LSAMP: variants seen among roughly 807,000 people sequenced by gnomAD.
The protein encoded by LSAMP is limbic system-associated membrane protein.
A neutral mutation model predicts 38.6 loss-of-function variants in LSAMP; 7 were observed. The observed-to-expected ratio is 0.18, with a 90% CI of 0.10 to 0.34. The LOEUF is 0.34. Ranked by LOEUF, LSAMP falls within the 10% of genes least tolerant of loss-of-function variation. The pLI, the probability that LSAMP is intolerant of heterozygous loss-of-function variation, is 1.00. For synonymous variants in LSAMP, 154 were observed against 166.8 expected, an observed-to-expected ratio of 0.92 and a Z score of 0.59; for missense variants, 313 against 420.0, an observed-to-expected ratio of 0.75 and a Z score of 2.23.
intron 1 of LSAMP, among the ~76,000 whole-genome samples, chr3:116,237,988 C>T (rs995745632): frequency 3.3e-5 from 5 of 152,162 alleles, no homozygotes; most frequent in African/African-American, 1.2e-4. Flanking sequence ...GGATGTTCAA[C>T]AGCATCCCTG....
chr3:116,345,325 A>AACTT (rs1276946230), intron 1 of LSAMP, among the ~76,000 whole-genome samples: 2 of 152,212 alleles, frequency 1.3e-5, no homozygotes, highest in African/African-American at 4.8e-5. Flanking sequence ...GTTATAAAGT[A>AACTT]ACTTAATATT....
intron 1 of LSAMP, among the ~76,000 whole-genome samples, chr3:116,272,284 A>G (rs1450689476): frequency 6.6e-6 from 1 of 152,182 alleles, no homozygotes; most frequent in Non-Finnish European, 1.5e-5. Flanking sequence ...CAACTAATTC[A>G]GTATTTGGAG....
intron 2 of LSAMP, among the ~76,000 whole-genome samples, chr3:116,029,309 T>C (rs1345040178): frequency 6.6e-6 from 1 of 152,150 alleles, no homozygotes; most frequent in Non-Finnish European, 1.5e-5. Context: ...GGGTCGGCAT[T>C]TGAATCACAT....
Position 115,804,506 on chromosome 3 carries a change from T to C in LSAMP, c.*5811A>G, listed in dbSNP as rs993231414. On this transcript the variant is annotated 3_prime_UTR_variant, in exon 7 of 7. Transcript: ENST00000490035. ...TTTAAAGTTGTCAGTTTATCTTAGATGATGAGGAAGCAGTACCAAGAAGAC... is the reference window on the plus strand; with the variant it reads ...TTTAAAGTTGTCAGTTTATCTTAGACGATGAGGAAGCAGTACCAAGAAGAC... 3 of 152,150 alleles carry C rather than the reference T, an allele frequency of 2.0e-5. No homozygotes were observed. Among genetic ancestry groups the C allele is most frequent in the Admixed American group, 2.0e-4 (3 of 15,284 alleles). The allele number at this position is 152,150 out of a possible 1,614,324, so 9.4% of individuals were successfully genotyped here.
rs745737005 is a variant in LSAMP at position 115,852,578 on chromosome 3, A to G, written c.554T>C (p.Leu185Pro). 1.9e-6 allele frequency: 3 copies of G among 1,613,630 alleles called. No homozygotes were observed. The highest frequency in any genetic ancestry group is 1.3e-5 in the African/African-American group (1 of 75,016). ...GCCTGACTGCTCCCTGGTGATGCCA[A>G]GGATCTCCAGATATTCTTCTTCTCC... ...FEGEEEYLEI[L>P]GITREQSGKY... The change falls in exon 4 of 7, where the codon CTT (leucine) becomes CCT (proline). Residue 185 changes from leucine (L) to proline (P), a missense_variant. By Grantham distance (98) the Leu-to-Pro change is moderately conservative. Coordinates refer to ENST00000490035, the MANE Select transcript of LSAMP (RefSeq NM_002338.5).
At position 116,238,132 on chromosome 3, in the gene LSAMP, G is replaced by A. The variant is rs181428558; in HGVS notation, c.156-151576C>T. On this transcript the variant is annotated intron_variant, in intron 1 of 6. Transcript: ENST00000490035. ...CCATAGTGAGAACTTCCATTCTAAA[G>A]GAATGATGTATTTACTATGAACACC... is the stretch of plus-strand genomic sequence containing the variant. Among the ~76,000 whole-genome samples the A allele has an allele frequency of 5.3e-5, 8 of 152,214 alleles. No homozygotes were observed. In the East Asian group the frequency reaches 1.5e-3, roughly 29 times the overall value.
intron 1 of LSAMP, among the ~76,000 whole-genome samples, chr3:116,275,503 G>GTTAT (rs2047038389): frequency 6.6e-6 from 1 of 151,766 alleles, no homozygotes; most frequent in Non-Finnish European, 1.5e-5. Context: ...TAAAAGAAAC[G>GTTAT]TTATTTACCT....
At chr3:116,037,062 C>A (rs966931727) in intron 2 of LSAMP, among the ~76,000 whole-genome samples, 2 of 152,082 alleles carry the variant, frequency 1.3e-5, no homozygotes, top group African/African-American at 4.8e-5. Context: ...ATAATCAATG[C>A]AAGGACTCGG....
At chr3:116,161,139 A>G (rs1412610732) in intron 1 of LSAMP, among the ~76,000 whole-genome samples, 1 of 152,154 alleles carries the variant, frequency 6.6e-6, no homozygotes, top group Non-Finnish European at 1.5e-5. Context: ...CACATTATAG[A>G]GTTTAGCTTC....
intron 1 of LSAMP, among the ~76,000 whole-genome samples, chr3:116,284,755 A>G (rs1352147065): frequency 1.3e-5 from 2 of 152,184 alleles, no homozygotes; most frequent in Non-Finnish European, 2.9e-5. Context: ...AAAGAACACA[A>G]AGGATGGTTT....
intron 1 of LSAMP, among the ~76,000 whole-genome samples, chr3:116,206,705 T>C (rs1382852349): frequency 6.6e-6 from 1 of 151,996 alleles, no homozygotes; most frequent in East Asian, 1.9e-4. Context: ...TCCATGTAGC[T>C]GAGCAGTTTT....
At chr3:116,064,789 T>A (rs898167899) in intron 2 of LSAMP, among the ~76,000 whole-genome samples, 1 of 152,046 alleles carries the variant, frequency 6.6e-6, no homozygotes, top group Non-Finnish European at 1.5e-5. Context: ...AAAAGGAAAC[T>A]CCAGCACAAA....
At chr3:115,821,189 G>T (rs2107465736) in intron 6 of LSAMP, among the ~76,000 whole-genome samples, 1 of 152,184 alleles carries the variant, frequency 6.6e-6, no homozygotes, top group African/African-American at 2.4e-5. Context: ...TTGCAAAGAT[G>T]AAAGATGCTC....
At chr3:116,112,415 A>C (rs1708636444) in intron 1 of LSAMP, among the ~76,000 whole-genome samples, 1 of 152,206 alleles carries the variant, frequency 6.6e-6, no homozygotes, top group Non-Finnish European at 1.5e-5. Context: ...AACTCAAAGG[A>C]AGGGTGTGGA....
chr3:116,393,857 G>A (rs544866487), intron 1 of LSAMP, among the ~76,000 whole-genome samples: 2 of 152,292 alleles, frequency 1.3e-5, no homozygotes, highest in Non-Finnish European at 2.9e-5. Flanking sequence ...TATATTTCAA[G>A]GTTGGTGGCA....
At position 116,019,725 on chromosome 3, in the gene LSAMP, G is replaced by A. The variant is rs554794634; in HGVS notation, c.389-85C>T. The A allele has an allele frequency of 6.8e-5, 98 of 1,435,846 alleles. No individual in the cohort carries two copies. In the African/African-American group the frequency reaches 1.3e-3, roughly 19 times the overall value. 88.9% of individuals were successfully genotyped at this position (1,435,846 alleles called of 1,614,324 possible). On this transcript the variant is annotated intron_variant, in intron 2 of 6. Coordinates refer to ENST00000490035, the MANE Select transcript of LSAMP (RefSeq NM_002338.5). ...ATACAACTGGAAGTGGCAAATTCAAGGTTTTATAACTTAATTTGAATTTCT... is the reference window on the plus strand; with the variant it reads ...ATACAACTGGAAGTGGCAAATTCAAAGTTTTATAACTTAATTTGAATTTCT...
chr3:116,438,413 T>C (rs1241485425), intron 1 of LSAMP, among the ~76,000 whole-genome samples: 2 of 152,194 alleles, frequency 1.3e-5, no homozygotes, highest in Non-Finnish European at 2.9e-5. Flanking sequence ...TAAATTACAG[T>C]ATTTCATGCT....
At chr3:116,078,216 T>A (rs1379813079) in intron 2 of LSAMP, among the ~76,000 whole-genome samples, 1 of 152,030 alleles carries the variant, frequency 6.6e-6, no homozygotes, top group Admixed American at 6.6e-5. Context: ...ATAATATTTT[T>A]AAAATTCCAT....
chr3:116,369,434 C>A (rs182480736), intron 1 of LSAMP, among the ~76,000 whole-genome samples: 1 of 152,262 alleles, frequency 6.6e-6, no homozygotes, highest in Admixed American at 6.5e-5. Flanking sequence ...ACTCTTCTGG[C>A]TGTGTCTCTT....
Sources: allele counts gnomAD v4.1 joint callset (sites outside exome capture counted in the v4.1 genomes callset), GRCh38; gene constraint gnomAD v4.1.1; transcripts MANE v1.5; gene names NCBI Gene and HGNC (gene_info 2026-07-23, HGNC 2026-07-21).